COL28A1: variants seen among roughly 807,000 people sequenced by gnomAD.
COL28A1 encodes the protein collagen type XXVIII alpha 1 chain, also known as collagen alpha-1(XXVIII) chain.
Under a neutral mutation model 150.2 loss-of-function variants are expected in COL28A1, and 161 were observed. That is an observed-to-expected ratio of 1.07 (90% CI 0.94 to 1.22). The LOEUF (loss-of-function observed/expected upper bound fraction) is 1.22, where lower values mean the gene tolerates loss of function less well. COL28A1 is among the 50% of genes most tolerant of loss of function. The probability of loss-of-function intolerance (pLI) is 0.00; values close to 1 mark genes in which losing one functional copy is unlikely to be tolerated. For missense variants in COL28A1, 1,617 were observed against 1,388.3 expected, an observed-to-expected ratio of 1.16 and a Z score of -2.62; for synonymous variants, 552 against 469.7, an observed-to-expected ratio of 1.18 and a Z score of -2.26.
intron 27 of COL28A1, among the ~76,000 whole-genome samples, chr7:7,414,472 G>A (rs144663825): frequency 5.9e-5 from 9 of 152,330 alleles, no homozygotes; most frequent in African/African-American, 2.2e-4. Flanking sequence ...GAGCCAGTTG[G>A]GCCAGCAGAG....
chr7:7,500,325 T>G (rs550638024), intron 11 of COL28A1, among the ~76,000 whole-genome samples: 9 of 152,350 alleles, frequency 5.9e-5, no homozygotes, highest in African/African-American at 2.2e-4. Context: ...ACTCATTCAT[T>G]CAAGAAATAC....
chr7:7,389,966 A>G (rs1277255556), intron 27 of COL28A1, among the ~76,000 whole-genome samples: 1 of 152,122 alleles, frequency 6.6e-6, no homozygotes, highest in Non-Finnish European at 1.5e-5. Flanking sequence ...CTCTCTTCCT[A>G]TTTGAATACC....
intron 27 of COL28A1, 34 bp from the exon 28 acceptor site, chr7:7,381,646 A>G: frequency 6.6e-7 from 1 of 1,526,662 alleles, no homozygotes; most frequent in Non-Finnish European, 9.1e-7. Flanking sequence ...TGTTCTATTA[A>G]TTTCCCAGGA....
intron 11 of COL28A1, among the ~76,000 whole-genome samples, chr7:7,505,183 G>A (rs1287581146): frequency 6.6e-6 from 1 of 152,112 alleles, no homozygotes; most frequent in African/African-American, 2.4e-5. Context: ...TCTCTCTCAA[G>A]TAGCCCAACT....
intron 6 of COL28A1, 43 bp downstream of exon 6, chr7:7,520,018 GA>G (rs755100654): frequency 1.1e-6 from 1 of 907,112 alleles, no homozygotes; most frequent in South Asian, 1.5e-5. Flanking sequence ...AAAAAGTCTA[GA>G]AGGAGATACG....
intron 25 of COL28A1, among the ~76,000 whole-genome samples, chr7:7,429,426 T>TCTCTCTCACACA (rs1554270137): frequency 2.5e-5 from 3 of 119,308 alleles, no homozygotes; most frequent in African/African-American, 6.2e-5. Context: ...TCTCTCTCTC[T>TCTCTCTCACACA]CACATACACA....
At position 7,473,910 on chromosome 7, in the gene COL28A1, GTGTT is replaced by G. The variant is rs547981702; in HGVS notation, c.1302+687_1302+690del. On this transcript the variant is annotated intron_variant, in intron 15 of 34. Coordinates refer to ENST00000399429, the MANE Select transcript of COL28A1 (RefSeq NM_001037763.3). ...GTGTTTGTTTACATATATAGTGTGT[GTGTT>G]TGTTTATATATATGATGGAATATAT... 4.4e-4 allele frequency among the ~76,000 whole-genome samples: 66 copies of G among 149,800 alleles called. 1 individual carries two copies. In the South Asian group the frequency reaches 0.01, roughly 23 times the overall value.
At chr7:7,365,583 A>G (rs529544951) in intron 33 of COL28A1, among the ~76,000 whole-genome samples, 19 of 152,336 alleles carry the variant, frequency 1.2e-4, no homozygotes, top group Admixed American at 3.3e-4. Flanking sequence ...TGCCACATCC[A>G]AAAGGTCTTT....
At chr7:7,408,979 C>A (rs780068788) in intron 27 of COL28A1, among the ~76,000 whole-genome samples, 14 of 152,136 alleles carry the variant, frequency 9.2e-5, no homozygotes, top group African/African-American at 1.2e-4. Context: ...GTGTGAAGAG[C>A]AGCTCTGAGT....
At chr7:7,492,622 CTT>C (rs1395558775) in intron 11 of COL28A1, among the ~76,000 whole-genome samples, 1 of 138,112 alleles carries the variant, frequency 7.2e-6, no homozygotes, top group Non-Finnish European at 1.5e-5. Context: ...GGTCTGTTGA[CTT>C]TGACCAATTG....
In COL28A1 at chr7:7,363,673, A is replaced by AT. The variant is rs1426077345; in HGVS notation, c.3067-3146dup. Among the ~76,000 whole-genome samples, 153 of 152,066 alleles carry AT rather than the reference A, an allele frequency of 1.0e-3. 1 individual carries two copies. Among genetic ancestry groups the AT allele is most frequent in the African/African-American group, 3.5e-3 (145 of 41,450 alleles). On this transcript the variant is annotated intron_variant, in intron 33 of 34. Coordinates refer to ENST00000399429, the MANE Select transcript of COL28A1 (RefSeq NM_001037763.3). ...TAGTCTTTTTTCTAGGTGCATATCCATTTTTTTGTTGTTGTTGTTGTTACA... is the reference window on the plus strand; with the variant it reads ...TAGTCTTTTTTCTAGGTGCATATCCATTTTTTTTGTTGTTGTTGTTGTTACA...
intron 27 of COL28A1, among the ~76,000 whole-genome samples, chr7:7,409,694 A>T (rs1783676819): frequency 6.6e-6 from 1 of 152,092 alleles, no homozygotes; most frequent in East Asian, 1.9e-4. Flanking sequence ...TTTCTTTTGG[A>T]ATTTGGAAAC....
chr7:7,377,301 T>C (rs754094220), intron 30 of COL28A1, among the ~76,000 whole-genome samples: 1 of 152,196 alleles, frequency 6.6e-6, no homozygotes, highest in Non-Finnish European at 1.5e-5. Context: ...TCCACTGAAA[T>C]CACTGAATAA....
intron 18 of COL28A1, among the ~76,000 whole-genome samples, chr7:7,446,915 T>G (rs190878773): frequency 2.0e-5 from 3 of 152,318 alleles, no homozygotes; most frequent in Admixed American, 2.0e-4. Context: ...GCATCCATCT[T>G]GAGTATTCAG....
rs1782383208 is a variant in COL28A1 at position 7,531,856 on chromosome 7, C to CT, written c.172dup (p.Ser58LysfsTer3). ...TTTATCAAAGAGGGCAATTTTAGAACTTTCAGAGCTGTCCACGATGAAGAC... is the reference window on the plus strand; with the variant it reads ...TTTATCAAAGAGGGCAATTTTAGAACTTTTCAGAGCTGTCCACGATGAAGAC... On this transcript the variant is annotated frameshift_variant, in exon 3 of 35. Coordinates refer to ENST00000399429, the MANE Select transcript of COL28A1 (RefSeq NM_001037763.3). LOFTEE classifies it high-confidence loss of function. 4.3e-6 allele frequency: 7 copies of CT among 1,610,006 alleles called. No individual in the cohort carries two copies. The highest frequency in any genetic ancestry group is 3.3e-5 in the Admixed American group (2 of 59,974).
intron 12 of COL28A1, among the ~76,000 whole-genome samples, 164 bp from the exon 13 acceptor site, chr7:7,489,621 A>C (rs1336065405): frequency 6.6e-6 from 1 of 152,264 alleles, no homozygotes; most frequent in African/African-American, 2.4e-5. Context: ...GCTCGAATTT[A>C]AGTGAACAAA....
chr7:7,341,572 G>A, the COL28A1 span, among the ~76,000 whole-genome samples: 2 of 151,858 alleles, frequency 1.3e-5, no homozygotes, highest in Non-Finnish European at 2.9e-5. Context: ...CACCACACCT[G>A]ACTTCTTATT....
rs80202969 is a variant in COL28A1 at position 7,455,083 on chromosome 7, C to T, written c.1371+961G>A. On this transcript the variant is annotated intron_variant, in intron 16 of 34. Transcript: ENST00000399429. The stretch of plus-strand genomic sequence containing the variant: ...CCAAAGTAAATCTCAACAATGACAC[C>T]GGAATTATCTCATTTTTTAAATTCT... 6.2e-3 allele frequency among the ~76,000 whole-genome samples: 937 copies of T among 152,172 alleles called. 11 individuals are homozygous for T. The highest frequency in any genetic ancestry group is 0.022 in the African/African-American group (912 of 41,540).
chr7:7,455,132 A>G (rs180907453), intron 16 of COL28A1, among the ~76,000 whole-genome samples: 26 of 152,324 alleles, frequency 1.7e-4, no homozygotes, highest in Admixed American at 4.6e-4. Context: ...TACCCTAGAT[A>G]CAGAAACTAG....
Sources: gnomAD v4.1 joint callset for allele counts (sites outside exome capture counted in the v4.1 genomes callset) on GRCh38, gnomAD v4.1.1 for gene constraint, MANE v1.5 for transcripts, NCBI Gene and HGNC (gene_info 2026-07-23, HGNC 2026-07-21) for gene names.